The following RAG1 variants were observed in gnomAD, a reference collection of about 807,000 sequenced individuals.
The protein encoded by RAG1 is V(D)J recombination-activating protein 1.
Under a neutral mutation model 62.7 loss-of-function variants are expected in RAG1, and 35 were observed. The ratio of observed to expected loss-of-function variants is 0.56; its 90% CI spans 0.43 to 0.74. The LOEUF is 0.74. Ranked by LOEUF, RAG1 falls within the 30% of genes least tolerant of loss-of-function variation. RAG1 has a pLI of 0.00. For synonymous variants in RAG1, 461 were observed against 470.3 expected (o/e 0.98, Z 0.26); for missense variants, 1,169 against 1,278.6 (o/e 0.91, Z 1.31).
chr11:36,539,841 G>A (rs192028419), downstream of RAG1, among the ~76,000 whole-genome samples: 3 of 152,222 alleles, frequency 2.0e-5, no homozygotes, highest in South Asian at 2.1e-4. Flanking sequence ...GTAAATCACA[G>A]GTATTTTAAA....
rs138510915 is a variant in RAG1, at chr11:36,576,178, A to G, written c.2874A>G (p.Ala958=). Residue 958 remains alanine (A), a synonymous_variant, in exon 2 of 2, where the codon GCA becomes GCG. Coordinates refer to ENST00000299440, the MANE Select transcript of RAG1 (RefSeq NM_000448.3). ...TTGAGAGGGATGGCTCCATTGGGGC[A>G]TGGGCAAGTGAGGGAAATGAGTCTG... ...EIIERDGSIG[A]WASEGNESGN... is the part of the protein sequence containing the mutation. 1.4e-5 allele frequency: 22 copies of G among 1,614,036 alleles called. No individual in the cohort carries two copies. In the African/African-American group the frequency reaches 1.7e-4, roughly 13 times the overall value.
chr11:36,557,868 T>G (rs1301362237), intron 3 of RAG1, among the ~76,000 whole-genome samples: 1 of 152,224 alleles, frequency 6.6e-6, no homozygotes, highest in Non-Finnish European at 1.5e-5. Flanking sequence ...CATGTGTCTG[T>G]TCTGATCTGT....
intron 3 of RAG1, among the ~76,000 whole-genome samples, chr11:36,561,444 T>G (rs1161307624): frequency 6.6e-6 from 1 of 152,168 alleles, no homozygotes; most frequent in African/African-American, 2.4e-5. Flanking sequence ...TTACTCCAGA[T>G]TTGTTTATTA....
intron 2 of RAG1, among the ~76,000 whole-genome samples, chr11:36,533,770 T>A: frequency 6.6e-6 from 1 of 152,174 alleles, no homozygotes; most frequent in East Asian, 1.9e-4. Flanking sequence ...GCGATAGTAA[T>A]CATTATTATT....
chr11:36,543,498 A>G (rs895598443), intron 3 of RAG1, among the ~76,000 whole-genome samples: 2 of 152,048 alleles, frequency 1.3e-5, no homozygotes, highest in Non-Finnish European at 2.9e-5. Context: ...CTCAGATCCC[A>G]AAGCTTATTG....
At position 36,574,899 on chromosome 11, in the gene RAG1, G is replaced by A. The variant is rs1564989271; in HGVS notation, c.1595G>A (p.Ser532Asn). 1.2e-6 allele frequency: 2 copies of A among 1,614,118 alleles called. No individual in the cohort carries two copies. Among genetic ancestry groups the A allele is most frequent in the Admixed American group, 1.7e-5 (1 of 60,008 alleles). The change falls in exon 2 of 2, where the codon AGC (serine) becomes AAC (asparagine). Residue 532 changes from serine (S) to asparagine (N), a missense_variant. By Grantham distance (46) the Ser-to-Asn change is conservative. Transcript: ENST00000299440. ...CCACCTCTGAAGAATGTGTCTTCCA[G>A]CACTGATGTTGGCATTATTGATGGG... ...WQPPLKNVSSSTDVGIIDGLS... is the reference protein window; with the variant it reads ...WQPPLKNVSSNTDVGIIDGLS...
chr11:36,546,017 G>A (rs1011905975), intron 3 of RAG1, among the ~76,000 whole-genome samples: 10 of 152,056 alleles, frequency 6.6e-5, no homozygotes, highest in African/African-American at 2.2e-4. Flanking sequence ...CCAATTATGT[G>A]GTCAATTTTA....
chr11:36,565,903 T>G (rs1314172600), upstream of RAG1: 1 of 152,208 alleles, frequency 6.6e-6, no homozygotes, highest in Non-Finnish European at 1.5e-5. Context: ...AATCCAGACT[T>G]TTATCAAACA....
intron 1 of RAG1, among the ~76,000 whole-genome samples, chr11:36,570,684 T>C (rs987631661): frequency 6.6e-6 from 1 of 152,216 alleles, no homozygotes; most frequent in African/African-American, 2.4e-5. Flanking sequence ...CCAGCATTCA[T>C]TATTGCTTGT....
chr11:36,547,201 G>A (rs899611183), intron 3 of RAG1, among the ~76,000 whole-genome samples: 1 of 151,932 alleles, frequency 6.6e-6, no homozygotes. Context: ...CGACACCCTA[G>A]CATCATAATA....
chr11:36,574,558 C>T lies in RAG1; in HGVS notation c.1254C>T (p.Val418=). The T allele has an allele frequency of 6.2e-7, 1 of 1,614,220 alleles. No individual in the cohort carries two copies. The highest frequency in any genetic ancestry group is 8.5e-7 in the Non-Finnish European group (1 of 1,180,046). The part of the protein sequence containing the change: ...KHRLRELKLQ[V]KAFADKEEGG... ...GGCTGAGGGAGCTCAAGCTGCAAGT[C>T]AAAGCCTTTGCTGACAAAGAAGAAG... The change falls in exon 2 of 2, where the codon GTC becomes GTT. Residue 418 remains valine, a synonymous_variant. Coordinates refer to ENST00000299440, the MANE Select transcript of RAG1 (RefSeq NM_000448.3).
At chr11:36,522,629 C>A (rs1860099583) in intron 2 of RAG1, among the ~76,000 whole-genome samples, 1 of 152,160 alleles carries the variant, frequency 6.6e-6, no homozygotes, top group African/African-American at 2.4e-5. Flanking sequence ...GAGAAGAGGG[C>A]CACCATCCTC....
upstream of RAG1, among the ~76,000 whole-genome samples, chr11:36,563,146 G>A (rs73453392): frequency 0.02 from 2,993 of 152,260 alleles, 100 homozygotes; most frequent in African/African-American, 0.068. Context: ...AATCTTATGT[G>A]TCAGCTTGAC....
chr11:36,570,587 G>A (rs1388978160), intron 1 of RAG1, among the ~76,000 whole-genome samples: 2 of 152,022 alleles, frequency 1.3e-5, no homozygotes, highest in Non-Finnish European at 2.9e-5. Flanking sequence ...GTTTTTTTGA[G>A]GACCTCCATA....
chr11:36,560,166 T>C (rs1027914375), intron 3 of RAG1, among the ~76,000 whole-genome samples: 2 of 152,092 alleles, frequency 1.3e-5, no homozygotes. Context: ...TGATGTGGCT[T>C]TGCTGGGGTT....
At chr11:36,521,820 C>G (rs563223538) in intron 2 of RAG1, among the ~76,000 whole-genome samples, 1 of 152,244 alleles carries the variant, frequency 6.6e-6, no homozygotes, top group Non-Finnish European at 1.5e-5. Context: ...AGATGAGGAA[C>G]TTGTTGGGAA....
intron 1 of RAG1, among the ~76,000 whole-genome samples, chr11:36,513,107 C>T (rs5030402): frequency 0.012 from 1,874 of 152,222 alleles, 33 homozygotes; most frequent in African/African-American, 0.043. Context: ...GGTTCAGCCC[C>T]GTCTTTCTCT....
At chr11:36,570,130 A>C (rs1253809783) in intron 1 of RAG1, among the ~76,000 whole-genome samples, 4 of 152,186 alleles carry the variant, frequency 2.6e-5, no homozygotes, top group Non-Finnish European at 5.9e-5. Flanking sequence ...GTCTTTATAT[A>C]AATATTGTTG....
intron 3 of RAG1, among the ~76,000 whole-genome samples, chr11:36,548,374 C>T (rs538606002): frequency 1.2e-4 from 18 of 152,166 alleles, no homozygotes; most frequent in Non-Finnish European, 1.9e-4. Context: ...ATTTAGAAAA[C>T]TCCGTCTCAG....
Sources: allele counts gnomAD v4.1 joint callset (sites outside exome capture counted in the v4.1 genomes callset), GRCh38; gene constraint gnomAD v4.1.1; transcripts MANE v1.5; gene names NCBI Gene and HGNC (gene_info 2026-07-23, HGNC 2026-07-21).